Variants in ANK1 observed in about 807,000 individuals in gnomAD.
ANK1 encodes the protein ankyrin 1.
A neutral mutation model predicts 210.4 loss-of-function variants in ANK1; 51 were observed. The observed-to-expected ratio is 0.24, with a 90% CI of 0.19 to 0.31. The LOEUF (loss-of-function observed/expected upper bound fraction) is 0.31. ANK1 is among the 10% of genes least tolerant of loss of function. The probability of loss-of-function intolerance (pLI) is 1.00; values close to 1 mark genes in which losing one functional copy is unlikely to be tolerated. For missense variants in ANK1, 2,051 were observed against 2,504.4 expected, an observed-to-expected ratio of 0.82 and a Z score of 3.86; for synonymous variants, 967 against 1,025.9, an observed-to-expected ratio of 0.94 and a Z score of 1.10.
In ANK1 at chr8:41,672,897, T is replaced by C. The variant is rs2150563535; in HGVS notation, c.4553A>G (p.Gln1518Arg). 6.2e-7 allele frequency: 1 copy of C among 1,602,016 alleles called. No individual in the cohort carries two copies. The highest frequency in any genetic ancestry group is 1.7e-4 in the Middle Eastern group (1 of 5,878). The change falls in exon 38 of 43, where the codon CAG (glutamine) becomes CGG (arginine). Residue 1518 changes from glutamine to arginine, a missense_variant. Transcript: ENST00000289734. The stretch of plus-strand genomic sequence containing the variant: ...GGAGGCAGGGGACAGCAGCTCGTCC[T>C]GCAGTGAGGAGTAACCTGGATGGGC... ...PSQMNGYSSLQDELLSPASLG... is the reference protein window; with the variant it reads ...PSQMNGYSSLRDELLSPASLG...
At chr8:41,685,919 A>T (rs1017147418) in intron 36 of ANK1, among the ~76,000 whole-genome samples, 6 of 152,224 alleles carry the variant, frequency 3.9e-5, no homozygotes, top group Admixed American at 2.0e-4. Flanking sequence ...CAGGCCTTGC[A>T]ATTTTTATCT....
intron 2 of ANK1, among the ~76,000 whole-genome samples, chr8:41,746,351 G>T (rs931388447): frequency 6.6e-6 from 1 of 152,184 alleles, no homozygotes; most frequent in Non-Finnish European, 1.5e-5. Context: ...TTGCAAATCT[G>T]TCTCTTGCCT....
Position 41,693,982 on chromosome 8 carries a change from G to A in ANK1, c.3448C>T (p.Pro1150Ser). Residue 1150 changes from proline (P) to serine (S), a missense_variant, in exon 29 of 43, where the codon CCA (proline) becomes TCA (serine). By Grantham distance (74) the Pro-to-Ser change is moderately conservative. Coordinates refer to ENST00000289734, the MANE Select transcript of ANK1 (RefSeq NM_000037.4). ...TTGTCGGTCCAGGAAGGAGGTAGTG[G>A]GATCCGAAGCCCAATGGGGCGGTGG... is the stretch of plus-strand genomic sequence containing the variant. ...KFHRPIGLRI[P>S]LPPSWTDNPR... 1.9e-6 allele frequency: 3 copies of A among 1,614,124 alleles called. No homozygotes were observed. Among genetic ancestry groups the A allele is most frequent in the Non-Finnish European group, 2.5e-6 (3 of 1,180,010 alleles).
rs891609842 is a variant in ANK1 at position 41,654,528 on chromosome 8, T to G, written c.*1262A>C. ...CCTGGACTTAGAGCACCAAGTTCAC[T>G]CTGGGAGACCCTGGGTGGTCCTGAC... On this transcript the variant is annotated 3_prime_UTR_variant, in exon 43 of 43. Transcript: ENST00000289734. 1.3e-5 allele frequency: 2 copies of G among 152,526 alleles called. No homozygotes were observed. Among genetic ancestry groups the G allele is most frequent in the African/African-American group, 4.8e-5 (2 of 41,458 alleles). 9.4% of individuals were successfully genotyped at this position (152,526 alleles called of 1,614,324 possible).
At chr8:41,854,554 G>A (rs750259443) in intron 1 of ANK1, among the ~76,000 whole-genome samples, 4 of 152,208 alleles carry the variant, frequency 2.6e-5, no homozygotes, top group African/African-American at 4.8e-5. Flanking sequence ...GTGAGTGGTG[G>A]TGAAAAGGGA....
rs1211659645 is a variant in ANK1, at chr8:41,673,046, T to G, written c.4538-134A>C. 5.1e-6 allele frequency: 5 copies of G among 980,966 alleles called. No homozygotes were observed. In the African/African-American group the frequency reaches 8.1e-5, roughly 16 times the overall value. 60.8% of individuals were successfully genotyped at this position (980,966 alleles called of 1,614,324 possible). A position where few individuals can be genotyped will look rare whatever the true frequency, so the allele number is the denominator to read the frequency against. On this transcript the variant is annotated intron_variant, in intron 37 of 42. Transcript: ENST00000289734. ...GAGATGCATGCACATTCGGGGTGGG[T>G]TGGGGGCTTTCCAAGCTCCAGGCCC... is the stretch of plus-strand genomic sequence containing the variant.
At chr8:41,798,143 C>T (rs907543777), upstream of ANK1, among the ~76,000 whole-genome samples, 1 of 151,930 alleles carries the variant, frequency 6.6e-6, no homozygotes, top group African/African-American at 2.4e-5. Flanking sequence ...TGAGCCAGGG[C>T]GCACGCCCTG....
intron 37 of ANK1, among the ~76,000 whole-genome samples, chr8:41,682,904 G>C (rs1036006612): frequency 6.6e-6 from 1 of 152,142 alleles, no homozygotes; most frequent in South Asian, 2.1e-4. Flanking sequence ...TCCCTCAACC[G>C]CCCTCAGCCC....
intron 1 of ANK1, among the ~76,000 whole-genome samples, chr8:41,895,316 C>A (rs992605415): frequency 3.3e-5 from 5 of 149,976 alleles, no homozygotes; most frequent in African/African-American, 1.2e-4. Context: ...GTGAAAATAG[C>A]TCTCCTGAAT....
At chr8:41,662,610 C>T (rs1461157673) in intron 40 of ANK1, among the ~76,000 whole-genome samples, 3 of 152,220 alleles carry the variant, frequency 2.0e-5, no homozygotes, top group Admixed American at 6.5e-5. Flanking sequence ...CACCCATTCC[C>T]GTATTCACCT....
chr8:41,813,682 T>C (rs1032130591), intron 1 of ANK1, among the ~76,000 whole-genome samples: 8 of 152,218 alleles, frequency 5.3e-5, no homozygotes, highest in Non-Finnish European at 7.3e-5. Context: ...ATTGGACTTT[T>C]AAAATCCTAT....
intron 6 of ANK1, among the ~76,000 whole-genome samples, chr8:41,725,166 C>A (rs1305255931): frequency 6.6e-6 from 1 of 152,250 alleles, no homozygotes; most frequent in South Asian, 2.1e-4. Context: ...CAGGCCTAAC[C>A]CCACCCAGGT....
chr8:41,661,589 A>G, intron 41 of ANK1, 25 bp from the exon 42 acceptor site: 1 of 1,613,532 alleles, frequency 6.2e-7, no homozygotes, highest in Non-Finnish European at 8.5e-7. Context: ...AGAGACAGAA[A>G]GCAGGACAGA....
At chr8:41,747,454 A>C (rs896915615) in intron 2 of ANK1, among the ~76,000 whole-genome samples, 3 of 152,116 alleles carry the variant, frequency 2.0e-5, no homozygotes, top group African/African-American at 7.2e-5. Context: ...ACGGACCTTG[A>C]TAACTCTCTC....
intron 37 of ANK1, among the ~76,000 whole-genome samples, chr8:41,673,824 C>T (rs1358081461): frequency 1.3e-5 from 2 of 152,162 alleles, no homozygotes; most frequent in South Asian, 2.1e-4. Context: ...GACTAGAAGA[C>T]AAGATTCTCC....
At position 41,655,706 on chromosome 8, in the gene ANK1, G is replaced by C. The variant is rs1805409375; in HGVS notation, c.*84C>G. 10 of 1,613,668 alleles carry C rather than the reference G, an allele frequency of 6.2e-6. No individual in the cohort carries two copies. Among genetic ancestry groups the C allele is most frequent in the African/African-American group, 1.3e-5 (1 of 74,930 alleles). On this transcript the variant is annotated 3_prime_UTR_variant, in exon 43 of 43. Transcript: ENST00000289734. ...CTCAGGTCCAGCTCTCCTCCTGTGT[G>C]CATGGCAGAGTGTGTGGGGTTCAGG... is the stretch of plus-strand genomic sequence containing the variant.
intron 38 of ANK1, 126 bp downstream of exon 38, chr8:41,672,228 G>T: frequency 2.0e-6 from 2 of 1,010,686 alleles, no homozygotes; most frequent in Non-Finnish European, 1.4e-6. Flanking sequence ...GAATGTATGT[G>T]CTCCTGTGCA....
At chr8:41,779,423 A>AT (rs530573009) in intron 1 of ANK1, among the ~76,000 whole-genome samples, 114 of 147,534 alleles carry the variant, frequency 7.7e-4, no homozygotes, top group African/African-American at 1.1e-3. Flanking sequence ...AATGTTTTTC[A>AT]TTTTTTTTTT....
At chr8:41,748,013 G>C (rs1185531405) in intron 2 of ANK1, among the ~76,000 whole-genome samples, 1 of 152,136 alleles carries the variant, frequency 6.6e-6, no homozygotes, top group African/African-American at 2.4e-5. Flanking sequence ...TCAGTCCTGG[G>C]CTCTGAGACT....
Sources: allele counts gnomAD v4.1 joint callset (sites outside exome capture counted in the v4.1 genomes callset), GRCh38; gene constraint gnomAD v4.1.1; transcripts MANE v1.5; gene names NCBI Gene and HGNC (gene_info 2026-07-23, HGNC 2026-07-21).